TPSB2: variants seen among roughly 807,000 people sequenced by gnomAD.
TPSB2 encodes tryptase beta 2, also known as tryptase beta-2.
In TPSB2, 13 loss-of-function variants were observed where a neutral mutation model predicts 19.8. The ratio of observed to expected loss-of-function variants is 0.66; its 90% CI spans 0.43 to 1.04. The LOEUF (loss-of-function observed/expected upper bound fraction) is 1.04. Ranked by LOEUF, TPSB2 falls within the 50% of genes least tolerant of loss-of-function variation. The pLI is 0.00. For missense variants in TPSB2, 196 were observed against 259.9 expected, an observed-to-expected ratio of 0.75 and a Z score of 1.69; for synonymous variants, 78 against 116.4, an observed-to-expected ratio of 0.67 and a Z score of 2.12.
Position 1,228,792 on chromosome 16 carries a change from A to T in TPSB2, c.686T>A (p.Val229Glu), listed in dbSNP as rs1348531093. ...CAGCCAGGTGCCATTCACCTTGCAC[A>T]CCAGGGGCCCTCCGGAGTCGCCCTG... ...SCQGDSGGPL[V>E]CKVNGTWLQA... Residue 229 changes from valine to glutamate, a missense_variant, in exon 6 of 6, where the codon GTG becomes GAG. Physicochemically the swap from Val to Glu is moderately radical, Grantham distance 121 (BLOSUM62 -2). Transcript: ENST00000606293. The T allele has an allele frequency of 4.0e-5, 59 of 1,462,166 alleles. No individual in the cohort carries two copies. Among genetic ancestry groups the T allele is most frequent in the Non-Finnish European group, 5.3e-5 (58 of 1,104,294 alleles). 90.6% of individuals were successfully genotyped at this position (1,462,166 alleles called of 1,614,324 possible).
rs1438484435 is a variant in TPSB2 at position 1,228,558 on chromosome 16, G to A, written c.*92C>T. On this transcript the variant is annotated 3_prime_UTR_variant, in exon 6 of 6. Coordinates refer to ENST00000606293, the MANE Select transcript of TPSB2 (RefSeq NM_024164.6). ...ACTCAGGACGGGGCAGGGAAGGTGT[G>A]GGGGGCAGTCGCCACCTGGGTAGGA... 1.6e-6 allele frequency: 2 copies of A among 1,266,228 alleles called. No homozygotes were observed. Among genetic ancestry groups the A allele is most frequent in the Non-Finnish European group, 2.2e-6 (2 of 905,930 alleles). 78.4% of individuals were successfully genotyped at this position (1,266,228 alleles called of 1,614,324 possible).
chr16:1,229,616 G>C lies in TPSB2; in HGVS notation c.183C>G (p.Gly61=), dbSNP rs753060318. 1.3e-5 allele frequency: 20 copies of C among 1,599,444 alleles called. No homozygotes were observed. Among genetic ancestry groups the C allele is most frequent in the Non-Finnish European group, 1.6e-5 (19 of 1,178,116 alleles). The change falls in exon 3 of 6, where the codon GGC becomes GGG. Residue 61 remains glycine (G), a synonymous_variant. Transcript: ENST00000606293. ...RDRYWMHFCG[G]SLIHPQWVLT... ...GCACCCACTGGGGGTGGATGAGGGA[G>C]CCCCCGCAGAAGTGCATCCAGTATC...
chr16:1,228,988 T>C lies in TPSB2; in HGVS notation c.575A>G (p.Tyr192Cys). The C allele has an allele frequency of 2.1e-6, 1 of 474,624 alleles. No homozygotes were observed. Among genetic ancestry groups the C allele is most frequent in the East Asian group, 3.3e-5 (1 of 30,726 alleles). 29.4% of individuals were successfully genotyped at this position (474,624 alleles called of 1,614,324 possible). A position where few individuals can be genotyped will look rare whatever the true frequency, so the allele number is the denominator to read the frequency against. Residue 192 changes from tyrosine (Y) to cysteine (C), a missense_variant, in exon 5 of 6, where the codon TAC becomes TGC. Around this residue, in one of 4 missense-constraint regions of TPSB2, gnomAD observed 109 missense variants for 110.2 expected, o/e 0.99. Transcript: ENST00000606293. Reference protein sequence around the residue: ...IMENHICDAKYHLGAYTGDDV... With the variant: ...IMENHICDAKCHLGAYTGDDV... ...GTCTCCCGTGTAGGCGCCAAGGTGG[T>C]ATTTTGCGTCACAAATGTGGTTTTC... is the stretch of plus-strand genomic sequence containing the variant.
chr16:1,228,628 A>C lies in TPSB2; in HGVS notation c.*22T>G, dbSNP rs770250153. ...GGAGGGGCTGGCTCTCCAGTGACCC[A>C]GGTGGACACCCCAGGCCTGACTCAC... On this transcript the variant is annotated 3_prime_UTR_variant, in exon 6 of 6. Coordinates refer to ENST00000606293, the MANE Select transcript of TPSB2 (RefSeq NM_024164.6). 1 of 1,599,322 alleles carries C rather than the reference A, an allele frequency of 6.3e-7. No homozygotes were observed. The highest frequency in any genetic ancestry group is 1.7e-5 in the Admixed American group (1 of 59,136).
In TPSB2 at chr16:1,228,631, T is replaced by C. The variant is rs558261298; in HGVS notation, c.*19A>G. 1.0e-5 allele frequency: 16 copies of C among 1,599,910 alleles called. No homozygotes were observed. The highest frequency in any genetic ancestry group is 1.4e-5 in the Non-Finnish European group (16 of 1,174,614). On this transcript the variant is annotated 3_prime_UTR_variant, in exon 6 of 6. Transcript: ENST00000606293. ...GGGGCTGGCTCTCCAGTGACCCAGGTGGACACCCCAGGCCTGACTCACGGC... is the reference window on the plus strand; with the variant it reads ...GGGGCTGGCTCTCCAGTGACCCAGGCGGACACCCCAGGCCTGACTCACGGC...
rs1458468025 is a variant in TPSB2, at chr16:1,228,957, G to C, written c.606C>G (p.Val202=). 1 of 504,004 alleles carries C rather than the reference G, an allele frequency of 2.0e-6. No homozygotes were observed. Among genetic ancestry groups the C allele is most frequent in the South Asian group, 2.1e-5 (1 of 47,022 alleles). 31.2% of individuals were successfully genotyped at this position (504,004 alleles called of 1,614,324 possible). A position where few individuals can be genotyped will look rare whatever the true frequency, so the allele number is the denominator to read the frequency against. Residue 202 remains valine, a synonymous_variant, in exon 5 of 6, where the codon GTC becomes GTG. Coordinates refer to ENST00000606293, the MANE Select transcript of TPSB2 (RefSeq NM_024164.6). ...YHLGAYTGDD[V]RIVRDDMLCA... The stretch of plus-strand genomic sequence containing the variant: ...ACAGCATGTCGTCACGGACGATGCG[G>C]ACGTCGTCTCCCGTGTAGGCGCCAA...
chr16:1,228,550 G>T lies in TPSB2; in HGVS notation c.*100C>A. ...GAAGGGGCACTCAGGACGGGGCAGGGAAGGTGTGGGGGGCAGTCGCCACCT... is the reference window on the plus strand; with the variant it reads ...GAAGGGGCACTCAGGACGGGGCAGGTAAGGTGTGGGGGGCAGTCGCCACCT... On this transcript the variant is annotated 3_prime_UTR_variant, in exon 6 of 6. Coordinates refer to ENST00000606293, the MANE Select transcript of TPSB2 (RefSeq NM_024164.6). 1 of 993,936 alleles carries T rather than the reference G, an allele frequency of 1.0e-6. No homozygotes were observed. The allele number at this position is 993,936 out of a possible 1,614,324, so 61.6% of individuals were successfully genotyped here.
Position 1,228,677 on chromosome 16 carries a change from G to C in TPSB2, c.801C>G (p.Ile267Met), listed in dbSNP as rs1159946396. ...ACGGCTTTTTGGGGACATAGTGGTG[G>C]ATCCAGTCCAAGTAGTAGGTGACAC... is the stretch of plus-strand genomic sequence containing the variant. ...YTRVTYYLDW[I>M]HHYVPKKP The change falls in exon 6 of 6, where the codon ATC becomes ATG. Residue 267 changes from isoleucine (I) to methionine (M), a missense_variant. Physicochemically the swap from Ile to Met is conservative, Grantham distance 10 (BLOSUM62 1). Around this residue, in one of 4 missense-constraint regions of TPSB2, gnomAD observed 109 missense variants for 110.2 expected, o/e 0.99. Coordinates refer to ENST00000606293, the MANE Select transcript of TPSB2 (RefSeq NM_024164.6). The C allele has an allele frequency of 6.2e-7, 1 of 1,602,936 alleles. No homozygotes were observed. Among genetic ancestry groups the C allele is most frequent in the African/African-American group, 1.4e-5 (1 of 71,548 alleles).
At position 1,229,603 on chromosome 16, in the gene TPSB2, G is replaced by A. The variant is rs1394368216; in HGVS notation, c.196C>T (p.Pro66Ser). The A allele has an allele frequency of 9.4e-6, 15 of 1,595,206 alleles. No homozygotes were observed. Among genetic ancestry groups the A allele is most frequent in the Non-Finnish European group, 1.3e-5 (15 of 1,176,870 alleles). Residue 66 changes from proline to serine, a missense_variant, in exon 3 of 6, where the codon CCC (proline) becomes TCC (serine). By Grantham distance (74) the Pro-to-Ser change is moderately conservative. Coordinates refer to ENST00000606293, the MANE Select transcript of TPSB2 (RefSeq NM_024164.6). ...TGCGCTGCGGTCAGCACCCACTGGG[G>A]GTGGATGAGGGAGCCCCCGCAGAAG... is the stretch of plus-strand genomic sequence containing the variant. ...MHFCGGSLIHPQWVLTAAHCV... is the reference protein window; with the variant it reads ...MHFCGGSLIHSQWVLTAAHCV...
In TPSB2 at chr16:1,228,573, C is replaced by G; in HGVS notation, c.*77G>C. 6.8e-7 allele frequency: 1 copy of G among 1,473,448 alleles called. No individual in the cohort carries two copies. The allele number at this position is 1,473,448 out of a possible 1,614,324, so 91.3% of individuals were successfully genotyped here. A position where few individuals can be genotyped will look rare whatever the true frequency, so the allele number is the denominator to read the frequency against. On this transcript the variant is annotated 3_prime_UTR_variant, in exon 6 of 6. Transcript: ENST00000606293. The stretch of plus-strand genomic sequence containing the variant: ...GGGAAGGTGTGGGGGGCAGTCGCCA[C>G]CTGGGTAGGAAGCAGTGGTGTTTTG...
intron 1 of TPSB2, 48 bp downstream of exon 1, chr16:1,230,114 C>T: frequency 1.3e-6 from 1 of 759,172 alleles, no homozygotes; most frequent in Non-Finnish European, 2.1e-6. Context: ...CTGGGCCACT[C>T]TGCTCCAGGT....
At position 1,229,455 on chromosome 16, in the gene TPSB2, C is replaced by T; in HGVS notation, c.235G>A (p.Asp79Asn). The change falls in exon 4 of 6, where the codon GAC (aspartate) becomes AAC (asparagine). Residue 79 changes from aspartate (D) to asparagine (N), a missense_variant and splice_region_variant. By Grantham distance (23) the Asp-to-Asn change is conservative (BLOSUM62 1). Coordinates refer to ENST00000606293, the MANE Select transcript of TPSB2 (RefSeq NM_024164.6). Reference sequence around the variant, plus strand: ...CTGAGGGCGGCCAGATCCTTGACGTCCCTGGGCAGCGGAGGATCCCACTCA... The same window carrying T: ...CTGAGGGCGGCCAGATCCTTGACGTTCCTGGGCAGCGGAGGATCCCACTCA... ...VLTAAHCVGP[D>N]VKDLAALRVQ... 1 of 1,324,280 alleles carries T rather than the reference C, an allele frequency of 7.6e-7. No homozygotes were observed. The highest frequency in any genetic ancestry group is 9.6e-7 in the Non-Finnish European group (1 of 1,043,300). 82.0% of individuals were successfully genotyped at this position (1,324,280 alleles called of 1,614,324 possible). A position where few individuals can be genotyped will look rare whatever the true frequency, so the allele number is the denominator to read the frequency against.
rs776531478 is a variant in TPSB2 at position 1,229,566 on chromosome 16, G to A, written c.233C>T (p.Pro78Leu). Residue 78 changes from proline to leucine, a missense_variant and splice_region_variant, in exon 3 of 6, where the codon CCG (proline) becomes CTG (leucine). Coordinates refer to ENST00000606293, the MANE Select transcript of TPSB2 (RefSeq NM_024164.6). ...CCCTTCCAGGCCCCGGGAGACTCAC[G>A]GTCCCACGCAGTGCGCTGCGGTCAG... ...WVLTAAHCVGPDVKDLAALRV... is the reference protein window; with the variant it reads ...WVLTAAHCVGLDVKDLAALRV... The A allele has an allele frequency of 7.3e-6, 11 of 1,507,836 alleles. No homozygotes were observed. The highest frequency in any genetic ancestry group is 2.2e-5 in the Admixed American group (1 of 46,198). The allele number at this position is 1,507,836 out of a possible 1,614,324, so 93.4% of individuals were successfully genotyped here.
At position 1,228,408 on chromosome 16, in the gene TPSB2, G is replaced by C; in HGVS notation, c.*242C>G. 2.4e-6 allele frequency: 2 copies of C among 838,146 alleles called. No homozygotes were observed. The highest frequency in any genetic ancestry group is 3.6e-6 in the Non-Finnish European group (2 of 553,818). The allele number at this position is 838,146 out of a possible 1,614,324, so 51.9% of individuals were successfully genotyped here. ...CCCACCACCAGCTGCCTGGGCAGGG[G>C]AGGGCCGGAGGGCCCGGTGCAGGCG... On this transcript the variant is annotated 3_prime_UTR_variant, in exon 6 of 6. Coordinates refer to ENST00000606293, the MANE Select transcript of TPSB2 (RefSeq NM_024164.6).
rs765208778 is a variant in TPSB2 at position 1,228,655 on chromosome 16, G to T, written c.823C>A (p.Pro275Thr). 10 of 1,602,948 alleles carry T rather than the reference G, an allele frequency of 6.2e-6. 1 individual carries two copies. In the Admixed American group the frequency reaches 1.7e-4, roughly 27 times the overall value. Reference protein sequence around the residue: ...DWIHHYVPKKP With the variant: ...DWIHHYVPKKT ...GTGGACACCCCAGGCCTGACTCACG[G>T]CTTTTTGGGGACATAGTGGTGGATC... The change falls in exon 6 of 6, where the codon CCG (proline) becomes ACG (threonine). Residue 275 changes from proline to threonine, a missense_variant. Transcript: ENST00000606293.
In TPSB2 at chr16:1,229,698, C is replaced by T. The variant is rs750471538; in HGVS notation, c.101G>A (p.Gly34Asp). 4.4e-6 allele frequency: 7 copies of T among 1,604,576 alleles called. No homozygotes were observed. The South Asian group carries it at 7.8e-5, about 18-fold the overall frequency. ...CCACTTGCTCCTGGGGGCCTCCTGA[C>T]CCCCAACGATGCCCACTCGCTGCAG... The part of the protein sequence containing the change: ...QALQRVGIVG[G>D]QEAPRSKWPW... The change falls in exon 3 of 6, where the codon GGT becomes GAT. Residue 34 changes from glycine (G) to aspartate (D), a missense_variant. Transcript: ENST00000606293.
chr16:1,228,731 G>A lies in TPSB2; in HGVS notation c.747C>T (p.Ala249=), dbSNP rs780761154. 2 of 1,589,036 alleles carry A rather than the reference G, an allele frequency of 1.3e-6. No individual in the cohort carries two copies. Among genetic ancestry groups the A allele is most frequent in the South Asian group, 1.1e-5 (1 of 89,038 alleles). Residue 249 remains alanine, a synonymous_variant, in exon 6 of 6, where the codon GCC becomes GCT. Coordinates refer to ENST00000606293, the MANE Select transcript of TPSB2 (RefSeq NM_024164.6). Reference sequence around the variant, plus strand: ...TGTAGATGCCAGGCCGGTTGGGCTGGGCACAGCCCTCGCCCCAGCTGACCA... The same window carrying A: ...TGTAGATGCCAGGCCGGTTGGGCTGAGCACAGCCCTCGCCCCAGCTGACCA... The part of the protein sequence containing the change: ...AGVVSWGEGC[A]QPNRPGIYTR...
In TPSB2 at chr16:1,228,736, A is replaced by T; in HGVS notation, c.742T>A (p.Cys248Ser). 1 of 1,588,252 alleles carries T rather than the reference A, an allele frequency of 6.3e-7. No individual in the cohort carries two copies. Among genetic ancestry groups the T allele is most frequent in the Non-Finnish European group, 8.6e-7 (1 of 1,168,542 alleles). The change falls in exon 6 of 6, where the codon TGT becomes AGT. Residue 248 changes from cysteine to serine, a missense_variant. By Grantham distance (112) the Cys-to-Ser change is moderately radical. Coordinates refer to ENST00000606293, the MANE Select transcript of TPSB2 (RefSeq NM_024164.6). ...QAGVVSWGEG[C>S]AQPNRPGIYT... ...ATGCCAGGCCGGTTGGGCTGGGCAC[A>T]GCCCTCGCCCCAGCTGACCACGCCC... is the stretch of plus-strand genomic sequence containing the variant.
chr16:1,228,470 A>G lies in TPSB2; in HGVS notation c.*180T>C. The G allele has an allele frequency of 8.0e-7, 1 of 1,248,100 alleles. No homozygotes were observed. Among genetic ancestry groups the G allele is most frequent in the Non-Finnish European group, 1.1e-6 (1 of 911,894 alleles). The allele number at this position is 1,248,100 out of a possible 1,614,324, so 77.3% of individuals were successfully genotyped here. A position where few individuals can be genotyped will look rare whatever the true frequency, so the allele number is the denominator to read the frequency against. ...ACAGGGAAGGGGGCTCAGGATGGGG[A>G]AGGGTCCTCAGGACAGGGGAAGGGG... On this transcript the variant is annotated 3_prime_UTR_variant, in exon 6 of 6. Transcript: ENST00000606293.
Sources: allele counts gnomAD v4.1 joint callset, GRCh38; gene constraint gnomAD v4.1.1; regional missense constraint gnomAD v4.1.1; transcripts MANE v1.5; gene names NCBI Gene and HGNC (gene_info 2026-07-23, HGNC 2026-07-21).